The following PIK3C3 variants were observed in gnomAD, a reference collection of about 807,000 sequenced individuals.
The protein encoded by PIK3C3 is PI3-kinase type 3.
In PIK3C3, 95 loss-of-function variants were observed where a neutral mutation model predicts 126.1. That is an observed-to-expected ratio of 0.75 (90% confidence interval 0.64 to 0.89). The LOEUF is 0.89. Among genes scored for constraint, PIK3C3 ranks in the 40% least tolerant of loss-of-function variants. The pLI is 0.00. For synonymous variants in PIK3C3, 374 were observed against 360.0 expected (o/e 1.04, Z -0.44); for missense variants, 829 against 1,063.2 (o/e 0.78, Z 3.06).
At chr18:42,049,640 T>C (rs1204059971) in intron 21 of PIK3C3, 35 bp downstream of exon 21, 3 of 1,453,076 alleles carry the variant, frequency 2.1e-6, no homozygotes, top group Non-Finnish European at 2.9e-6. Context: ...ACATACATTG[T>C]ATATGCCCAT....
intron 4 of PIK3C3, among the ~76,000 whole-genome samples, chr18:41,973,985 T>G (rs753879783): frequency 6.6e-6 from 1 of 152,144 alleles, no homozygotes; most frequent in Non-Finnish European, 1.5e-5. Context: ...TAAAAAGATA[T>G]ACATAAATCT....
chr18:42,043,666 T>G lies in PIK3C3; in HGVS notation c.2104-67T>G, dbSNP rs2037939873. 6 of 996,382 alleles carry G rather than the reference T, an allele frequency of 6.0e-6. No homozygotes were observed. The African/African-American group carries it at 8.0e-5, about 13-fold the overall frequency. 61.7% of individuals were successfully genotyped at this position (996,382 alleles called of 1,614,324 possible). ...CTAGACACTTGCTGGTCACTATTTA[T>G]AGTTTCAAAACACCTAGTTTGTTTG... On this transcript the variant is annotated intron_variant, in intron 19 of 24. Transcript: ENST00000262039.
rs1985468134 is a variant in PIK3C3, at chr18:42,064,827, A to G, written c.2520A>G (p.Lys840=). The stretch of plus-strand genomic sequence containing the variant: ...CACTTGAACCAGATAAAACTGTGAA[A>G]AAGGTAATTTTTAAGTAACATAAAT... ...DIALEPDKTV[K]KVQDKFRLDL... is the part of the protein sequence containing the mutation. Residue 840 remains lysine, a synonymous_variant, in exon 23 of 25, where the codon AAA becomes AAG. Transcript: ENST00000262039. 6.5e-7 allele frequency: 1 copy of G among 1,544,112 alleles called. No homozygotes were observed. The highest frequency in any genetic ancestry group is 9.0e-7 in the Non-Finnish European group (1 of 1,117,044).
intron 10 of PIK3C3, among the ~76,000 whole-genome samples, chr18:42,008,228 T>A (rs1982641794): frequency 6.6e-6 from 1 of 152,186 alleles, no homozygotes; most frequent in Non-Finnish European, 1.5e-5. Flanking sequence ...AATTTTTAAA[T>A]CATATTTCCT....
intron 13 of PIK3C3, among the ~76,000 whole-genome samples, chr18:42,024,359 C>T (rs1983457342): frequency 6.6e-6 from 1 of 151,964 alleles, no homozygotes. Context: ...CTAACCTTGT[C>T]TCTCATATTT....
At position 42,029,385 on chromosome 18, in the gene PIK3C3, C is replaced by G. The variant is rs201418439; in HGVS notation, c.1651C>G (p.Arg551Gly). The G allele has an allele frequency of 1.2e-6, 2 of 1,613,490 alleles. No individual in the cohort carries two copies. Among genetic ancestry groups the G allele is most frequent in the African/African-American group, 1.3e-5 (1 of 74,800 alleles). Residue 551 changes from arginine (R) to glycine (G), a missense_variant, in exon 15 of 25, where the codon CGG (arginine) becomes GGG (glycine). Transcript: ENST00000262039. ...GGCTGCACAACAGACATTTGTAGAT[C>G]GGTTGGTGCATCTAATGAAGGCAGT... ...LLAAQQTFVD[R>G]LVHLMKAVQR...
intron 10 of PIK3C3, among the ~76,000 whole-genome samples, chr18:42,005,434 C>A (rs1982497990): frequency 6.6e-6 from 1 of 152,164 alleles, no homozygotes. Flanking sequence ...CATGACTGTT[C>A]ATGTAAGGCC....
rs141007954 is a variant in PIK3C3 at position 42,028,647 on chromosome 18, T to A, written c.1591-678T>A. ...ATAAGCCTTTGGTCCTCTCCTCTAA[T>A]CTCGTTTCTGTTACAGCCTTTGTCA... is the stretch of plus-strand genomic sequence containing the variant. On this transcript the variant is annotated intron_variant, in intron 14 of 24. Coordinates refer to ENST00000262039, the MANE Select transcript of PIK3C3 (RefSeq NM_002647.4). Among the ~76,000 whole-genome samples, 90 of 152,330 alleles carry A rather than the reference T, an allele frequency of 5.9e-4. 1 individual carries two copies. The East Asian group carries it at 0.017, about 29-fold the overall frequency.
chr18:41,967,194 T>C (rs1468840392), intron 3 of PIK3C3, among the ~76,000 whole-genome samples: 1 of 152,192 alleles, frequency 6.6e-6, no homozygotes. Context: ...TTCCTGGTGC[T>C]ACAGCAGAGT....
chr18:42,048,084 A>C (rs1984635209), intron 20 of PIK3C3, among the ~76,000 whole-genome samples: 1 of 152,190 alleles, frequency 6.6e-6, no homozygotes, highest in Admixed American at 6.5e-5. Flanking sequence ...TTCTCCCTTC[A>C]TCTAGATACC....
chr18:42,027,535 A>G lies in PIK3C3; in HGVS notation c.1577A>G (p.Gln526Arg). The G allele has an allele frequency of 6.2e-7, 1 of 1,607,778 alleles. No individual in the cohort carries two copies. Among genetic ancestry groups the G allele is most frequent in the Non-Finnish European group, 8.5e-7 (1 of 1,174,872 alleles). The change falls in exon 14 of 25, where the codon CAA becomes CGA. Residue 526 changes from glutamine (Q) to arginine (R), a missense_variant. Around this residue, in one of 4 missense-constraint regions of PIK3C3, gnomAD observed 256 missense variants for 291.0 expected, o/e 0.88. Transcript: ENST00000262039. The part of the protein sequence containing the change: ...MYLNVMRRFS[Q>R]ALLKGDKSVR... ...TTGAACGTAATGAGAAGATTCAGCC[A>G]AGCATTGTTGAAGGTAACCCTTAAA...
chr18:42,030,590 A>AATT (rs1239025830), intron 15 of PIK3C3, among the ~76,000 whole-genome samples: 1 of 152,228 alleles, frequency 6.6e-6, no homozygotes, highest in African/African-American at 2.4e-5. Flanking sequence ...AGTAATGAGT[A>AATT]ACGTTCAGCA....
chr18:42,085,053 C>T lies in PIK3C3; in HGVS notation c.*3916C>T, dbSNP rs1223155458. The T allele has an allele frequency of 6.6e-6, 1 of 152,138 alleles. No individual in the cohort carries two copies. Among genetic ancestry groups the T allele is most frequent in the East Asian group, 1.9e-4 (1 of 5,192 alleles). The allele number at this position is 152,138 out of a possible 1,614,324, so 9.4% of individuals were successfully genotyped here. The stretch of plus-strand genomic sequence containing the variant: ...CTTGTTATATGCTAACTTCATTTTC[C>T]CTTTCTTGTCCATAGTGGGAAAAAA... On this transcript the variant is annotated 3_prime_UTR_variant, in exon 25 of 25. Coordinates refer to ENST00000262039, the MANE Select transcript of PIK3C3 (RefSeq NM_002647.4).
intron 1 of PIK3C3, among the ~76,000 whole-genome samples, chr18:41,957,250 G>A (rs1979826669): frequency 6.6e-6 from 1 of 152,194 alleles, no homozygotes; most frequent in Admixed American, 6.5e-5. Context: ...GAAAGCTGGT[G>A]ACTTCCAGAG....
chr18:41,960,172 A>G (rs1238293235), intron 2 of PIK3C3, among the ~76,000 whole-genome samples: 2 of 152,206 alleles, frequency 1.3e-5, no homozygotes, highest in Admixed American at 1.3e-4. Context: ...AATTTATTCA[A>G]GTCTATCATA....
chr18:42,049,539 T>C lies in PIK3C3; in HGVS notation c.2197T>C (p.Cys733Arg), dbSNP rs1458709423. ...DTYVKSCAGY[C>R]VITYILGVGD... ...TTTAACTGTTACTGCAGCTGGATAT[T>C]GCGTGATCACCTATATACTTGGAGT... Residue 733 changes from cysteine to arginine, a missense_variant, in exon 21 of 25, where the codon TGC (cysteine) becomes CGC (arginine). Cys to Arg is a radical substitution (Grantham distance 180). Coordinates refer to ENST00000262039, the MANE Select transcript of PIK3C3 (RefSeq NM_002647.4). 5 of 1,613,044 alleles carry C rather than the reference T, an allele frequency of 3.1e-6. No homozygotes were observed. The highest frequency in any genetic ancestry group is 2.7e-5 in the African/African-American group (2 of 74,906).
intron 16 of PIK3C3, among the ~76,000 whole-genome samples, chr18:42,035,466 T>TA (rs1984008223): frequency 6.6e-6 from 1 of 152,202 alleles, no homozygotes; most frequent in Admixed American, 6.6e-5. Flanking sequence ...TACTCAATTA[T>TA]AAAAAATTAT....
intron 10 of PIK3C3, among the ~76,000 whole-genome samples, chr18:42,010,420 C>T (rs1982768692): frequency 6.6e-6 from 1 of 152,142 alleles, no homozygotes; most frequent in South Asian, 2.1e-4. Context: ...GGCTGGAGTG[C>T]AGTGGCATGA....
intron 4 of PIK3C3, among the ~76,000 whole-genome samples, chr18:41,984,292 C>T (rs953313231): frequency 3.3e-5 from 5 of 152,018 alleles, no homozygotes; most frequent in African/African-American, 4.8e-5. Context: ...TATAGAAGTT[C>T]GTGGATTGGA....
Sources: allele counts gnomAD v4.1 joint callset (sites outside exome capture counted in the v4.1 genomes callset), GRCh38; gene constraint gnomAD v4.1.1; regional missense constraint gnomAD v4.1.1; transcripts MANE v1.5; gene names NCBI Gene and HGNC (gene_info 2026-07-23, HGNC 2026-07-21).